LIPA: variants seen among roughly 807,000 people sequenced by gnomAD.
LIPA encodes lysosomal acid lipase/cholesteryl ester hydrolase.
LIPA carries 26 observed loss-of-function variants against 40.6 expected under a neutral mutation model. The observed-to-expected ratio is 0.64, with a 90% CI of 0.47 to 0.89. The LOEUF (loss-of-function observed/expected upper bound fraction) is 0.89, where lower values mean the gene tolerates loss of function less well. Ranked by LOEUF, LIPA falls within the 40% of genes least tolerant of loss-of-function variation. LIPA has a pLI of 0.00. For synonymous variants in LIPA, 188 were observed against 168.4 expected (o/e 1.12, Z -0.90); for missense variants, 455 against 479.6 (o/e 0.95, Z 0.48).
intron 2 of LIPA, 126 bp downstream of exon 2, chr10:89,247,408 AAAAT>A: frequency 3.5e-6 from 2 of 563,500 alleles, no homozygotes; most frequent in South Asian, 4.0e-5. Context: ...AAAAAAAAAA[AAAAT>A]TCAGAGAAAT....
chr10:89,354,428 T>C (rs925249512), intron 2 of LIPA, among the ~76,000 whole-genome samples: 2 of 152,222 alleles, frequency 1.3e-5, no homozygotes, highest in African/African-American at 2.4e-5. Flanking sequence ...TCACTCATAT[T>C]TGGCTCAGAA....
At chr10:89,291,108 T>C (rs1452965705) in intron 1 of LIPA, among the ~76,000 whole-genome samples, 2 of 152,142 alleles carry the variant, frequency 1.3e-5, no homozygotes, top group African/African-American at 2.4e-5. Flanking sequence ...CCTTTCTTTG[T>C]TCTTTTTTTC....
chr10:89,331,720 G>A (rs1270936161), intron 1 of LIPA, among the ~76,000 whole-genome samples: 6 of 151,776 alleles, frequency 4.0e-5, no homozygotes, highest in South Asian at 2.1e-4. Flanking sequence ...TCAGCCAGGC[G>A]TGGTGGCACG....
intron 1 of LIPA, among the ~76,000 whole-genome samples, chr10:89,250,382 C>A (rs1159097119): frequency 6.6e-6 from 1 of 152,130 alleles, no homozygotes; most frequent in Non-Finnish European, 1.5e-5. Context: ...GGATTACAGG[C>A]GTGAGCCACC....
At chr10:89,377,074 A>G (rs756276023) in intron 2 of LIPA, among the ~76,000 whole-genome samples, 48 of 152,368 alleles carry the variant, frequency 3.2e-4, no homozygotes, top group Admixed American at 1.2e-3. Flanking sequence ...ACAGGATGAC[A>G]TTGTAACAAT....
At chr10:89,378,622 G>A (rs1844139587) in intron 2 of LIPA, among the ~76,000 whole-genome samples, 1 of 152,170 alleles carries the variant, frequency 6.6e-6, no homozygotes. Flanking sequence ...GCTCCCCAGT[G>A]GGCCAACCCC....
intron 2 of LIPA, among the ~76,000 whole-genome samples, chr10:89,352,122 A>G (rs769686072): frequency 3.9e-5 from 6 of 152,226 alleles, no homozygotes; most frequent in Non-Finnish European, 8.8e-5. Flanking sequence ...AACAAGAAAT[A>G]GAGGACACAT....
chr10:89,384,615 A>G (rs1450050190), intron 2 of LIPA: 3 of 1,614,218 alleles, frequency 1.9e-6, no homozygotes, highest in Non-Finnish European at 2.5e-6. Context: ...ACCAGAATGT[A>G]CGGGTTGTGG....
chr10:89,329,783 G>A (rs1843632356), intron 1 of LIPA, among the ~76,000 whole-genome samples: 1 of 152,184 alleles, frequency 6.6e-6, no homozygotes, highest in South Asian at 2.1e-4. Context: ...GCAAGTCCGT[G>A]TGAAGAGACC....
chr10:89,305,269 A>G (rs922923880), intron 1 of LIPA, among the ~76,000 whole-genome samples: 3 of 152,132 alleles, frequency 2.0e-5, no homozygotes, highest in African/African-American at 4.8e-5. Context: ...AAATTCACAG[A>G]AAAAAATGAG....
intron 3 of LIPA, among the ~76,000 whole-genome samples, chr10:89,230,240 A>T (rs754461160): frequency 6.6e-6 from 1 of 152,202 alleles, no homozygotes; most frequent in Non-Finnish European, 1.5e-5. Context: ...CAGAGAACAA[A>T]AACAAGAGGA....
At chr10:89,218,336 C>T (rs1589550533) in intron 8 of LIPA, among the ~76,000 whole-genome samples, 1 of 152,164 alleles carries the variant, frequency 6.6e-6, no homozygotes, top group Admixed American at 6.5e-5. Context: ...ACAACTATCA[C>T]TGCAAAAAAC....
intron 1 of LIPA, among the ~76,000 whole-genome samples, chr10:89,263,625 A>G (rs1018247114): frequency 1.3e-5 from 2 of 152,266 alleles, no homozygotes; most frequent in African/African-American, 4.8e-5. Context: ...CTGATAGCAT[A>G]TGGAACTGTC....
chr10:89,243,379 A>G (rs997877045), intron 3 of LIPA, among the ~76,000 whole-genome samples: 7 of 152,232 alleles, frequency 4.6e-5, no homozygotes, highest in Admixed American at 2.0e-4. Context: ...AGCTCATAGC[A>G]GGTATGACAT....
intron 2 of LIPA, among the ~76,000 whole-genome samples, chr10:89,367,870 C>T (rs1437493460): frequency 6.6e-6 from 1 of 152,170 alleles, no homozygotes; most frequent in Non-Finnish European, 1.5e-5. Flanking sequence ...CAAAGCTGGA[C>T]TGCAGTAGCA....
At chr10:89,378,690 C>T (rs1422490771) in intron 2 of LIPA, among the ~76,000 whole-genome samples, 2 of 152,164 alleles carry the variant, frequency 1.3e-5, no homozygotes, top group Middle Eastern at 3.2e-3. Flanking sequence ...GAGTCAGCTT[C>T]CAAGCACAGA....
chr10:89,340,278 G>A (rs1843842793), intron 1 of LIPA: 1 of 797,960 alleles, frequency 1.3e-6, no homozygotes, highest in Non-Finnish European at 1.9e-6. Context: ...TTGTTTTTTG[G>A]CCGGGCGCAG....
chr10:89,355,319 T>C (rs1160435551), intron 2 of LIPA, among the ~76,000 whole-genome samples: 1 of 152,168 alleles, frequency 6.6e-6, no homozygotes, highest in African/African-American at 2.4e-5. Context: ...CTCAACCCAA[T>C]AGCCCAGAAA....
At position 89,214,996 on chromosome 10, in the gene LIPA, G is replaced by C. The variant is rs779601441; in HGVS notation, c.1032C>G (p.His344Gln). Reference protein sequence around the residue: ...LVPTAVWSGGHDWLADVYDVN... With the variant: ...LVPTAVWSGGQDWLADVYDVN... ...CGTCGTAGACATCTGCAAGCCAGTCGTGACCCCCGCTCCAGACTGCAGTCG... is the reference window on the plus strand; with the variant it reads ...CGTCGTAGACATCTGCAAGCCAGTCCTGACCCCCGCTCCAGACTGCAGTCG... Residue 344 changes from histidine (H) to glutamine (Q), a missense_variant, in exon 10 of 10, where the codon CAC (histidine) becomes CAG (glutamine). His to Gln is a conservative substitution (Grantham distance 24). Coordinates refer to ENST00000336233, the MANE Select transcript of LIPA (RefSeq NM_000235.4). 10 of 1,613,998 alleles carry C rather than the reference G, an allele frequency of 6.2e-6. No homozygotes were observed. The African/African-American group carries it at 1.2e-4, about 19-fold the overall frequency.
Sources: allele counts gnomAD v4.1 joint callset (sites outside exome capture counted in the v4.1 genomes callset), GRCh38; gene constraint gnomAD v4.1.1; transcripts MANE v1.5; gene names NCBI Gene and HGNC (gene_info 2026-07-23, HGNC 2026-07-21).